Variants in RBMS3 observed in about 807,000 individuals in gnomAD.
RBMS3 encodes RNA binding motif single stranded interacting protein 3.
A neutral mutation model predicts 66.8 loss-of-function variants in RBMS3; 27 were observed. The ratio of observed to expected loss-of-function variants is 0.40; its 90% confidence interval spans 0.30 to 0.56. The LOEUF is 0.56. RBMS3 is among the 20% of genes least tolerant of loss of function. The pLI is 0.40. For synonymous variants in RBMS3, 188 were observed against 183.0 expected (o/e 1.03, Z -0.22); for missense variants, 513 against 549.5 (o/e 0.93, Z 0.66).
chr3:29,485,622 C>T (rs2043291900), intron 2 of RBMS3, among the ~76,000 whole-genome samples: 1 of 152,166 alleles, frequency 6.6e-6, no homozygotes, highest in African/African-American at 2.4e-5. Flanking sequence ...AATATATTTA[C>T]TTCATTTATT....
intron 10 of RBMS3, among the ~76,000 whole-genome samples, chr3:29,929,460 A>G (rs1300463963): frequency 6.6e-6 from 1 of 152,252 alleles, no homozygotes; most frequent in Non-Finnish European, 1.5e-5. Flanking sequence ...CTATTATATT[A>G]ATAGGTACTT....
intron 4 of RBMS3, among the ~76,000 whole-genome samples, chr3:29,700,635 G>C (rs1173846632): frequency 2.6e-5 from 4 of 151,640 alleles, no homozygotes; most frequent in African/African-American, 9.7e-5. Context: ...GATATGAATA[G>C]GTGCAAAAGA....
intron 2 of RBMS3, among the ~76,000 whole-genome samples, chr3:29,465,060 CATG>C (rs763074206): frequency 2.0e-5 from 3 of 152,086 alleles, no homozygotes; most frequent in African/African-American, 4.8e-5. Flanking sequence ...AAATAATAAA[CATG>C]ATAACAATAA....
intron 1 of RBMS3, among the ~76,000 whole-genome samples, chr3:29,386,664 G>C (rs1297558019): frequency 6.6e-6 from 1 of 152,080 alleles, no homozygotes; most frequent in African/African-American, 2.4e-5. Context: ...ATGCTGCAAT[G>C]CTTCCCATCT....
intron 8 of RBMS3, among the ~76,000 whole-genome samples, chr3:29,889,116 G>T (rs930016828): frequency 1.3e-5 from 2 of 151,542 alleles, no homozygotes; most frequent in Admixed American, 6.6e-5. Flanking sequence ...TTCATAATTT[G>T]GTTACTGCAA....
At chr3:29,922,011 A>G (rs2149657519) in intron 10 of RBMS3, among the ~76,000 whole-genome samples, 1 of 152,306 alleles carries the variant, frequency 6.6e-6, no homozygotes, top group African/African-American at 2.4e-5. Flanking sequence ...TGGTAGTAGC[A>G]TCACCCAGTG....
chr3:29,327,012 G>T (rs2035379385), intron 1 of RBMS3, among the ~76,000 whole-genome samples: 1 of 152,108 alleles, frequency 6.6e-6, no homozygotes, highest in Non-Finnish European at 1.5e-5. Context: ...TTACAGGCGT[G>T]AGCCACCACA....
chr3:29,831,057 C>A (rs974878883), intron 6 of RBMS3, among the ~76,000 whole-genome samples: 1 of 152,090 alleles, frequency 6.6e-6, no homozygotes, highest in African/African-American at 2.4e-5. Context: ...CTTCAGGGAT[C>A]TGAGAAATAA....
chr3:29,705,081 T>C (rs2052813425), intron 4 of RBMS3, among the ~76,000 whole-genome samples: 1 of 152,200 alleles, frequency 6.6e-6, no homozygotes, highest in Admixed American at 6.5e-5. Context: ...TAGGGGCTTT[T>C]TGTTTCACCA....
At chr3:29,790,554 G>A (rs1217109764) in intron 6 of RBMS3, among the ~76,000 whole-genome samples, 2 of 152,118 alleles carry the variant, frequency 1.3e-5, no homozygotes, top group Non-Finnish European at 2.9e-5. Flanking sequence ...GCTCTCAGAA[G>A]TATGCCATTG....
chr3:29,936,117 C>G lies in RBMS3; in HGVS notation c.971C>G (p.Pro324Arg), dbSNP rs756427512. 4 of 1,613,276 alleles carry G rather than the reference C, an allele frequency of 2.5e-6. No individual in the cohort carries two copies. The highest frequency in any genetic ancestry group is 3.4e-6 in the Non-Finnish European group (4 of 1,179,498). The change falls in exon 11 of 15, where the codon CCC becomes CGC. Residue 324 changes from proline (P) to arginine (R), a missense_variant. Physicochemically the swap from Pro to Arg is moderately radical, Grantham distance 103 (BLOSUM62 -2). Transcript: ENST00000383767. ...GTGATTACACCAACCATGGACCATC[C>G]CATGTCAATGCAGCCAGCCAACATG... is the stretch of plus-strand genomic sequence containing the variant. ...GAVITPTMDH[P>R]MSMQPANMMG...
intron 3 of RBMS3, among the ~76,000 whole-genome samples, chr3:29,558,295 G>A (rs1474824022): frequency 1.3e-5 from 2 of 152,018 alleles, no homozygotes; most frequent in Non-Finnish European, 2.9e-5. Flanking sequence ...AGTAATTAAA[G>A]ATGCAATTGA....
chr3:29,536,678 A>G lies in RBMS3; in HGVS notation c.307+48179A>G, dbSNP rs573829782. Among the ~76,000 whole-genome samples, 36 of 152,344 alleles carry G rather than the reference A, an allele frequency of 2.4e-4. No individual in the cohort carries two copies. The East Asian group carries it at 3.3e-3, about 14-fold the overall frequency. ...CAGAAATGAGCTGCAAATTCCAAGCAACATATTGAGTTTGTGATTTATTTG... is the reference window on the plus strand; with the variant it reads ...CAGAAATGAGCTGCAAATTCCAAGCGACATATTGAGTTTGTGATTTATTTG... On this transcript the variant is annotated intron_variant, in intron 3 of 14. Coordinates refer to ENST00000383767, the MANE Select transcript of RBMS3 (RefSeq NM_001003793.3).
At chr3:29,365,567 T>TA (rs140521503) in intron 1 of RBMS3, among the ~76,000 whole-genome samples, 22,014 of 152,068 alleles carry the variant, frequency 0.14, 2,052 homozygotes, top group Non-Finnish European at 0.22. Flanking sequence ...AAAAAGACAG[T>TA]ATTCTTTGCG....
chr3:29,791,238 C>A (rs2057002478), intron 6 of RBMS3, among the ~76,000 whole-genome samples: 1 of 152,132 alleles, frequency 6.6e-6, no homozygotes, highest in Non-Finnish European at 1.5e-5. Flanking sequence ...TGTAGAAATG[C>A]ATTTCCATTT....
At chr3:29,761,647 AT>A (rs904802238) in intron 5 of RBMS3, among the ~76,000 whole-genome samples, 16 of 152,056 alleles carry the variant, frequency 1.1e-4, no homozygotes, top group African/African-American at 3.1e-4. Context: ...TTGTTAGCAT[AT>A]TTTTTTTGTA....
At chr3:29,692,871 T>C (rs1295462198) in intron 4 of RBMS3, among the ~76,000 whole-genome samples, 3 of 152,186 alleles carry the variant, frequency 2.0e-5, no homozygotes, top group Non-Finnish European at 4.4e-5. Context: ...TGATTAGTGT[T>C]CAAGTTTAGT....
chr3:29,952,238 A>G (rs183692032), intron 12 of RBMS3, among the ~76,000 whole-genome samples: 280 of 151,958 alleles, frequency 1.8e-3, no homozygotes, highest in Non-Finnish European at 2.6e-3. Context: ...AAGAGACATT[A>G]TATCTCTATA....
chr3:29,322,982 G>A (rs1342066842), intron 1 of RBMS3, among the ~76,000 whole-genome samples: 2 of 152,126 alleles, frequency 1.3e-5, no homozygotes, highest in African/African-American at 4.8e-5. Flanking sequence ...GGCATACAGT[G>A]TGCCAAGAAC....
Sources: allele counts gnomAD v4.1 joint callset (sites outside exome capture counted in the v4.1 genomes callset), GRCh38; gene constraint gnomAD v4.1.1; transcripts MANE v1.5; gene names NCBI Gene and HGNC (gene_info 2026-07-23, HGNC 2026-07-21).